GRIK2: variants seen among roughly 807,000 people sequenced by gnomAD.
GRIK2 encodes glutamate ionotropic receptor kainate type subunit 2.
In GRIK2, 32 loss-of-function variants were observed where a neutral mutation model predicts 100.3. The observed-to-expected ratio is 0.32, with a 90% CI of 0.24 to 0.43. The LOEUF (loss-of-function observed/expected upper bound fraction) is 0.43. GRIK2 is among the 20% of genes least tolerant of loss of function. GRIK2 has a pLI of 1.00. For synonymous variants in GRIK2, 417 were observed against 389.4 expected (o/e 1.07, Z -0.83); for missense variants, 843 against 1,114.9 (o/e 0.76, Z 3.47).
chr6:101,423,510 C>A (rs761174205), intron 2 of GRIK2, among the ~76,000 whole-genome samples: 5 of 152,042 alleles, frequency 3.3e-5, no homozygotes, highest in Non-Finnish European at 5.9e-5. Context: ...GAAGTGATAT[C>A]ATTCATTGTA....
chr6:102,039,646 G>GTACT, intron 15 of GRIK2, among the ~76,000 whole-genome samples: 2 of 151,566 alleles, frequency 1.3e-5, no homozygotes, highest in South Asian at 4.2e-4. Flanking sequence ...CTGACTGCCT[G>GTACT]TACTTAAAAG....
chr6:101,710,623 G>A (rs1007326481), intron 7 of GRIK2, among the ~76,000 whole-genome samples: 2 of 151,778 alleles, frequency 1.3e-5, no homozygotes, highest in African/African-American at 4.8e-5. Flanking sequence ...GGGGCTGGCT[G>A]TAAGCAAGAG....
intron 14 of GRIK2, among the ~76,000 whole-genome samples, chr6:102,014,816 G>C (rs911100237): frequency 2.0e-5 from 3 of 151,932 alleles, no homozygotes; most frequent in African/African-American, 7.2e-5. Context: ...TATGACAGGG[G>C]GTTCTTTTGC....
At chr6:101,756,626 G>T (rs1777155300) in intron 7 of GRIK2, among the ~76,000 whole-genome samples, 1 of 152,086 alleles carries the variant, frequency 6.6e-6, no homozygotes, top group South Asian at 2.1e-4. Flanking sequence ...TCTTCATAAA[G>T]GACAAGTTTA....
chr6:101,470,902 ACTGCATGAT>A (rs1771913646), intron 2 of GRIK2, among the ~76,000 whole-genome samples: 1 of 152,200 alleles, frequency 6.6e-6, no homozygotes, highest in African/African-American at 2.4e-5. Flanking sequence ...CATTTAGTGG[ACTGCATGAT>A]CTATAGTACA....
intron 4 of GRIK2, among the ~76,000 whole-genome samples, chr6:101,675,490 A>G (rs1770768451): frequency 6.6e-6 from 1 of 152,214 alleles, no homozygotes; most frequent in South Asian, 2.1e-4. Flanking sequence ...AAGAAAGAGT[A>G]GAAGGAGAAA....
chr6:101,617,491 A>G (rs184580139), intron 2 of GRIK2, among the ~76,000 whole-genome samples: 1 of 151,860 alleles, frequency 6.6e-6, no homozygotes, highest in East Asian at 1.9e-4. Flanking sequence ...TGATGAACTT[A>G]TGTACAGATT....
chr6:101,752,129 C>T (rs910597100), intron 7 of GRIK2, among the ~76,000 whole-genome samples: 11 of 152,156 alleles, frequency 7.2e-5, no homozygotes, highest in Non-Finnish European at 1.5e-4. Flanking sequence ...CATCTTACAA[C>T]ACCTTATATG....
At chr6:101,754,226 G>A (rs951455710) in intron 7 of GRIK2, among the ~76,000 whole-genome samples, 3 of 152,118 alleles carry the variant, frequency 2.0e-5, no homozygotes, top group Admixed American at 1.3e-4. Context: ...TTCATATGAT[G>A]TAATTAGCTT....
At chr6:101,691,326 G>A (rs1201973856) in intron 7 of GRIK2, among the ~76,000 whole-genome samples, 5 of 149,022 alleles carry the variant, frequency 3.4e-5, no homozygotes, top group Non-Finnish European at 7.4e-5. Context: ...TTGAGACAGA[G>A]TCTCGCTCTG....
At chr6:101,979,375 T>C (rs149023749) in intron 14 of GRIK2, among the ~76,000 whole-genome samples, 75 of 152,030 alleles carry the variant, frequency 4.9e-4, no homozygotes, top group African/African-American at 1.8e-3. Context: ...TCCCATGATA[T>C]TGAAACAAAT....
intron 5 of GRIK2, among the ~76,000 whole-genome samples, chr6:101,680,801 TA>T (rs1771184560): frequency 6.6e-6 from 1 of 152,192 alleles, no homozygotes; most frequent in Admixed American, 6.5e-5. Flanking sequence ...TATGATCTTG[TA>T]AATTTGTATT....
intron 2 of GRIK2, among the ~76,000 whole-genome samples, chr6:101,587,655 T>C (rs1232082): frequency 0.017 from 2,586 of 152,230 alleles, 76 homozygotes; most frequent in African/African-American, 0.059. Flanking sequence ...AAATAAGTTA[T>C]AATTAGTTGA....
At chr6:101,613,969 A>G (rs1358233619) in intron 2 of GRIK2, among the ~76,000 whole-genome samples, 1 of 151,694 alleles carries the variant, frequency 6.6e-6, no homozygotes, top group Non-Finnish European at 1.5e-5. Flanking sequence ...CAGGGGATGG[A>G]TTAATATATG....
chr6:101,617,377 TTCAC>T (rs1200007628), intron 2 of GRIK2, among the ~76,000 whole-genome samples: 4 of 151,828 alleles, frequency 2.6e-5, no homozygotes, highest in African/African-American at 9.7e-5. Context: ...TCTGGCTTCT[TTCAC>T]TCAATCATTT....
In GRIK2 at chr6:101,675,178, C is replaced by T. The variant is rs1344541834; in HGVS notation, c.542-1445C>T. Among the ~76,000 whole-genome samples the T allele has an allele frequency of 3.3e-5, 5 of 151,850 alleles. No homozygotes were observed. In the East Asian group the frequency reaches 9.7e-4, roughly 29 times the overall value. On this transcript the variant is annotated intron_variant, in intron 4 of 16. Coordinates refer to ENST00000369134, the MANE Select transcript of GRIK2 (RefSeq NM_021956.5). ...CCATCCCCTCTCCATCCCTCTCTTC[C>T]CTCTACCCTCCATTTATTTTTATTT...
intron 14 of GRIK2, among the ~76,000 whole-genome samples, chr6:102,028,785 C>A (rs1288404187): frequency 2.7e-5 from 4 of 150,590 alleles, no homozygotes; most frequent in Admixed American, 6.7e-5. Flanking sequence ...AATTAAAATT[C>A]TTTTGCAAAA....
intron 4 of GRIK2, among the ~76,000 whole-genome samples, chr6:101,643,756 C>A (rs1041298863): frequency 1.3e-5 from 2 of 151,444 alleles, no homozygotes; most frequent in African/African-American, 4.8e-5. Flanking sequence ...TCTGTTTCTG[C>A]AAAAAATTTT....
At chr6:101,890,321 G>C (rs1266213988) in intron 12 of GRIK2, 1 of 153,284 alleles carries the variant, frequency 6.5e-6, no homozygotes, top group Non-Finnish European at 1.5e-5. Context: ...GACTACCTTA[G>C]TATTCTACAT....
Sources: allele counts gnomAD v4.1 joint callset (sites outside exome capture counted in the v4.1 genomes callset), GRCh38; gene constraint gnomAD v4.1.1; transcripts MANE v1.5; gene names NCBI Gene and HGNC (gene_info 2026-07-23, HGNC 2026-07-21).